The following PRAMEF15 variants were observed in gnomAD, a reference collection of about 807,000 sequenced individuals.
PRAMEF15 encodes the protein PRAME family member 15.
In PRAMEF15, 21 loss-of-function variants were observed where a neutral mutation model predicts 35.3. That is an observed-to-expected ratio of 0.59 (90% CI 0.42 to 0.86). The LOEUF is 0.86. Ranked by LOEUF, PRAMEF15 falls within the 40% of genes least tolerant of loss-of-function variation. The pLI is 0.00. For missense variants in PRAMEF15, 360 were observed against 574.1 expected (o/e 0.63, Z 3.81); for synonymous variants, 122 against 223.3 (o/e 0.55, Z 4.05).
intron 1 of PRAMEF15, among the ~76,000 whole-genome samples, chr1:13,316,425 C>T (rs1198398763): frequency 0.014 from 2,188 of 151,572 alleles, 38 homozygotes; most frequent in Middle Eastern, 0.027. Context: ...GACACTCTGT[C>T]CAAAAACAAA....
Position 13,322,100 on chromosome 1 carries a change from G to A in PRAMEF15, c.1273G>A (p.Asp425Asn), listed in dbSNP as rs1413360555. 34 of 1,609,766 alleles carry A rather than the reference G, an allele frequency of 2.1e-5. No homozygotes were observed. The highest frequency in any genetic ancestry group is 2.8e-5 in the Non-Finnish European group (33 of 1,179,066). The change falls in exon 4 of 4, where the codon GAT (aspartate) becomes AAT (asparagine). Residue 425 changes from aspartate to asparagine, a missense_variant. Asp to Asn is a conservative substitution (Grantham distance 23). Coordinates refer to ENST00000376152, the MANE Select transcript of PRAMEF15 (RefSeq NM_001098376.3). The stretch of plus-strand genomic sequence containing the variant: ...TGCCCCCCGAGAGAGTTATGGTGCT[G>A]ATGGTACTCTCTGCTGGAGCAGATT... ...YPAPRESYGA[D>N]GTLCWSRFAQ... is the part of the protein sequence containing the mutation.
chr1:13,320,706 G>C (rs1190965126), intron 3 of PRAMEF15, among the ~76,000 whole-genome samples: 1 of 152,106 alleles, frequency 6.6e-6, no homozygotes, highest in East Asian at 1.9e-4. Context: ...TTATAGGCGA[G>C]AGCTACCACG....
rs1381668907 is a variant in PRAMEF15 at position 13,318,249 on chromosome 1, G to A, written c.-16-143G>A. 178 of 1,416,774 alleles carry A rather than the reference G, an allele frequency of 1.3e-4. 1 individual carries two copies. The East Asian group carries it at 3.2e-3, about 25-fold the overall frequency. 87.8% of individuals were successfully genotyped at this position (1,416,774 alleles called of 1,614,324 possible). ...GCAGAGGCAGAATGCTGGCTTAATG[G>A]CCACTGAGTACAGAGTAGAATTGGA... On this transcript the variant is annotated intron_variant, in intron 1 of 3. Coordinates refer to ENST00000376152, the MANE Select transcript of PRAMEF15 (RefSeq NM_001098376.3).
Position 13,319,453 on chromosome 1 carries a change from G to A in PRAMEF15, c.375G>A (p.Gly125=), listed in dbSNP as rs1223094993. 9 of 1,613,302 alleles carry A rather than the reference G, an allele frequency of 5.6e-6. No individual in the cohort carries two copies. The highest frequency in any genetic ancestry group is 1.3e-5 in the African/African-American group (1 of 74,916). ...TTTGGTCTGAAGCTATGGCCCATGGGTGCTTCCTCAATGCCAAGAGGAACA... is the reference window on the plus strand; with the variant it reads ...TTTGGTCTGAAGCTATGGCCCATGGATGCTTCCTCAATGCCAAGAGGAACA... ...WMVWSEAMAH[G]CFLNAKRNKK... is the part of the protein sequence containing the mutation. The change falls in exon 3 of 4, where the codon GGG becomes GGA. Residue 125 remains glycine (G), a synonymous_variant. Coordinates refer to ENST00000376152, the MANE Select transcript of PRAMEF15 (RefSeq NM_001098376.3).
rs1460797921 is a variant in PRAMEF15, at chr1:13,316,062, C to G, written c.-17+404C>G. Among the ~76,000 whole-genome samples the G allele has an allele frequency of 1.4e-5, 2 of 138,734 alleles. 1 individual carries two copies. Among genetic ancestry groups the G allele is most frequent in the Non-Finnish European group, 3.1e-5 (2 of 64,344 alleles). 91.0% of individuals were successfully genotyped at this position (138,734 alleles called of 152,430 possible). Reference sequence around the variant, plus strand: ...TTGCCCAGACTGGAGTGCAGTGGCACGATCTCAACTCCCTGCAACCTTTAC... The same window carrying G: ...TTGCCCAGACTGGAGTGCAGTGGCAGGATCTCAACTCCCTGCAACCTTTAC... On this transcript the variant is annotated intron_variant, in intron 1 of 3. Coordinates refer to ENST00000376152, the MANE Select transcript of PRAMEF15 (RefSeq NM_001098376.3).
chr1:13,320,109 A>G (rs1261681714), intron 3 of PRAMEF15, among the ~76,000 whole-genome samples, 156 bp downstream of exon 3: 1 of 151,296 alleles, frequency 6.6e-6, no homozygotes, highest in African/African-American at 2.4e-5. Flanking sequence ...CTGTCCTGAA[A>G]TGGGTATCAT....
chr1:13,316,639 T>A lies in PRAMEF15; in HGVS notation c.-17+981T>A, dbSNP rs75830677. Among the ~76,000 whole-genome samples the A allele has an allele frequency of 2.9e-3, 447 of 151,918 alleles. 10 individuals carry two copies. Among genetic ancestry groups the A allele is most frequent in the African/African-American group, 9.8e-3 (405 of 41,398 alleles). ...CACTGCATTCCAGCTTGGGCGACGA[T>A]GTGAGACTCAGCTCCCTCAGCACCA... On this transcript the variant is annotated intron_variant, in intron 1 of 3. Coordinates refer to ENST00000376152, the MANE Select transcript of PRAMEF15 (RefSeq NM_001098376.3).
intron 1 of PRAMEF15, 122 bp from the exon 2 acceptor site, chr1:13,318,270 T>C (rs1348313933): frequency 1.3e-6 from 2 of 1,538,584 alleles, no homozygotes; most frequent in South Asian, 1.2e-5. Context: ...CAGAGTAGAA[T>C]TGGAGTAAAC....
At chr1:13,315,895 C>A (rs1246270394) in intron 1 of PRAMEF15, among the ~76,000 whole-genome samples, 154 of 151,124 alleles carry the variant, frequency 1.0e-3, no homozygotes, top group African/African-American at 3.7e-3. Context: ...AGCAGTGACT[C>A]ATGCCTTTAA....
At chr1:13,319,033 C>T (rs1809726) in intron 2 of PRAMEF15, among the ~76,000 whole-genome samples, 11 of 150,682 alleles carry the variant, frequency 7.3e-5, no homozygotes, top group Middle Eastern at 3.4e-3. Flanking sequence ...AACTCTACTA[C>T]AAATACAAAA....
chr1:13,319,287 A>T, intron 2 of PRAMEF15, 85 bp from the exon 3 acceptor site: 1 of 1,587,486 alleles, frequency 6.3e-7, no homozygotes, highest in South Asian at 1.1e-5. Flanking sequence ...ACAAGCAGGG[A>T]GGGGAGGAGC....
intron 1 of PRAMEF15, among the ~76,000 whole-genome samples, chr1:13,317,726 A>G (rs1553184833): frequency 6.6e-6 from 1 of 151,590 alleles, no homozygotes; most frequent in African/African-American, 2.4e-5. Context: ...CACTGAGCTG[A>G]GATCCCACCA....
intron 3 of PRAMEF15, among the ~76,000 whole-genome samples, chr1:13,320,472 A>G (rs1458647851): frequency 3.3e-5 from 5 of 152,180 alleles, no homozygotes; most frequent in African/African-American, 1.2e-4. Context: ...CGTCCAGGCT[A>G]CAGTGCAGTT....
At position 13,322,503 on chromosome 1, in the gene PRAMEF15, C is replaced by G. The variant is rs1276161574; in HGVS notation, c.*239C>G. On this transcript the variant is annotated 3_prime_UTR_variant, in exon 4 of 4. Transcript: ENST00000376152. The stretch of plus-strand genomic sequence containing the variant: ...GATTCGAAAATGGGAATCTGAATGT[C>G]TAGAGTGGAATTCAGGCTTGAGAAT... The G allele has an allele frequency of 3.1e-6, 2 of 652,574 alleles. No homozygotes were observed. The highest frequency in any genetic ancestry group is 6.0e-5 in the Admixed American group (2 of 33,336). The allele number at this position is 652,574 out of a possible 1,614,324, so 40.4% of individuals were successfully genotyped here.
chr1:13,321,011 G>A (rs1377885116), intron 3 of PRAMEF15, among the ~76,000 whole-genome samples: 2 of 151,984 alleles, frequency 1.3e-5, no homozygotes, highest in Non-Finnish European at 1.5e-5. Flanking sequence ...TGTCAGGGAT[G>A]CCTACAGCCC....
intron 3 of PRAMEF15, 126 bp downstream of exon 3, chr1:13,320,079 G>T (rs1167581146): frequency 1.3e-6 from 2 of 1,570,410 alleles, no homozygotes; most frequent in Admixed American, 3.4e-5. Flanking sequence ...GAATGTCCAT[G>T]CATTGTCCTG....
intron 3 of PRAMEF15, among the ~76,000 whole-genome samples, chr1:13,320,825 G>T (rs1353754430): frequency 6.6e-6 from 1 of 152,116 alleles, no homozygotes; most frequent in East Asian, 1.9e-4. Flanking sequence ...AATCAGCTTT[G>T]TGCCCCACAG....
At position 13,322,252 on chromosome 1, in the gene PRAMEF15, A is replaced by G. The variant is rs1255707764; in HGVS notation, c.1425A>G (p.Gln475=). ...NRSFYDLEAD[Q]YCC ...CATTTTATGACCTGGAGGCAGATCA[A>G]TACTGCTGTTGAATGCCTGCCTATT... is the stretch of plus-strand genomic sequence containing the variant. Residue 475 remains glutamine, a synonymous_variant, in exon 4 of 4, where the codon CAA becomes CAG. Transcript: ENST00000376152. 3 of 1,573,894 alleles carry G rather than the reference A, an allele frequency of 1.9e-6. 1 individual carries two copies. The East Asian group carries it at 7.0e-5, about 37-fold the overall frequency.
At chr1:13,317,338 C>T (rs1640018709) in intron 1 of PRAMEF15, among the ~76,000 whole-genome samples, 1 of 151,854 alleles carries the variant, frequency 6.6e-6, no homozygotes, top group South Asian at 2.1e-4. Flanking sequence ...ACAAAATGCT[C>T]AGATTACAGG....
Sources: allele counts gnomAD v4.1 joint callset (sites outside exome capture counted in the v4.1 genomes callset), GRCh38; gene constraint gnomAD v4.1.1; transcripts MANE v1.5; gene names NCBI Gene and HGNC (gene_info 2026-07-23, HGNC 2026-07-21).